The following ADGRB3 variants were observed in gnomAD, a reference collection of about 807,000 sequenced individuals.
ADGRB3 encodes adhesion G protein-coupled receptor B3, also known as brain-specific angiogenesis inhibitor 3.
In ADGRB3, 37 loss-of-function variants were observed where a neutral mutation model predicts 193.4. The ratio of observed to expected loss-of-function variants is 0.19; its 90% CI spans 0.15 to 0.25. The LOEUF (loss-of-function observed/expected upper bound fraction) is 0.25, where lower values mean the gene tolerates loss of function less well. Among genes scored for constraint, ADGRB3 ranks in the 10% least tolerant of loss-of-function variants. The pLI, the probability that ADGRB3 is intolerant of heterozygous loss-of-function variation, is 1.00. For missense variants in ADGRB3, 1,637 were observed against 1,852.9 expected (o/e 0.88, Z 2.14); for synonymous variants, 690 against 644.2 (o/e 1.07, Z -1.08).
chr6:68,711,570 G>A (rs961102387), intron 3 of ADGRB3, among the ~76,000 whole-genome samples: 38 of 151,918 alleles, frequency 2.5e-4, no homozygotes, highest in African/African-American at 9.2e-4. Context: ...GCCAACATCC[G>A]TGTTTTGTTT....
At chr6:68,987,460 G>T (rs962434278) in intron 10 of ADGRB3, among the ~76,000 whole-genome samples, 1 of 152,060 alleles carries the variant, frequency 6.6e-6, no homozygotes, top group South Asian at 2.1e-4. Flanking sequence ...ATATGAAAAA[G>T]ATTGAATTTC....
intron 3 of ADGRB3, among the ~76,000 whole-genome samples, chr6:68,733,478 C>T (rs1337951198): frequency 2.0e-5 from 3 of 151,656 alleles, no homozygotes; most frequent in Non-Finnish European, 2.9e-5. Flanking sequence ...ACAGTGGGGA[C>T]TTCAAAAAGG....
chr6:68,976,177 C>T (rs1443138060), intron 10 of ADGRB3, among the ~76,000 whole-genome samples: 1 of 152,078 alleles, frequency 6.6e-6, no homozygotes, highest in African/African-American at 2.4e-5. Flanking sequence ...CAAAAATATA[C>T]ATAACTTTTG....
chr6:68,946,494 A>G (rs1361132666), intron 6 of ADGRB3, among the ~76,000 whole-genome samples: 14 of 152,172 alleles, frequency 9.2e-5, no homozygotes, highest in Admixed American at 9.2e-4. Flanking sequence ...AGCTTCAATG[A>G]AAGATGGTAA....
intron 3 of ADGRB3, among the ~76,000 whole-genome samples, chr6:68,789,074 A>T (rs1472832420): frequency 6.6e-6 from 1 of 151,942 alleles, no homozygotes; most frequent in Non-Finnish European, 1.5e-5. Context: ...GGTTTCCTGA[A>T]TACAGCACAC....
intron 16 of ADGRB3, among the ~76,000 whole-genome samples, chr6:69,074,585 G>A (rs564909153): frequency 7.8e-4 from 116 of 148,396 alleles, no homozygotes; most frequent in African/African-American, 2.8e-3. Context: ...CTGTCGCCCA[G>A]GCTGGAGTGC....
At chr6:69,041,045 G>A (rs1292081274) in intron 13 of ADGRB3, among the ~76,000 whole-genome samples, 1 of 150,844 alleles carries the variant, frequency 6.6e-6, no homozygotes, top group Non-Finnish European at 1.5e-5. Context: ...GGTGGAGATC[G>A]AGCTGTTAGA....
At chr6:68,808,113 A>G (rs1190127899) in intron 3 of ADGRB3, among the ~76,000 whole-genome samples, 1 of 149,460 alleles carries the variant, frequency 6.7e-6, no homozygotes, top group Non-Finnish European at 1.5e-5. Flanking sequence ...AAAGACAAAT[A>G]AAATTATTTT....
chr6:68,936,694 C>T lies in ADGRB3; in HGVS notation c.1030+14C>T, dbSNP rs1767493723. 1 of 1,604,908 alleles carries T rather than the reference C, an allele frequency of 6.2e-7. No homozygotes were observed. Among genetic ancestry groups the T allele is most frequent in the East Asian group, 2.2e-5 (1 of 44,640 alleles). The stretch of plus-strand genomic sequence containing the variant: ...CCCTCTGTCCAGGTAGTGTTAGCAG[C>T]AACTACAACTGTGGATGTTATTGAA... On this transcript the variant is annotated intron_variant, in intron 5 of 31. Coordinates refer to ENST00000370598, the MANE Select transcript of ADGRB3 (RefSeq NM_001704.3).
intron 28 of ADGRB3, among the ~76,000 whole-genome samples, chr6:69,356,204 C>T (rs1046524539): frequency 6.6e-6 from 1 of 152,124 alleles, no homozygotes; most frequent in African/African-American, 2.4e-5. Context: ...AAAGGCAACC[C>T]TCCAGAATGG....
intron 3 of ADGRB3, among the ~76,000 whole-genome samples, chr6:68,785,273 A>G (rs1012735748): frequency 1.3e-5 from 2 of 151,570 alleles, no homozygotes; most frequent in Non-Finnish European, 2.9e-5. Context: ...GTCATTTAGC[A>G]TTAGATATAT....
chr6:69,282,604 G>A (rs1767460573), intron 20 of ADGRB3, among the ~76,000 whole-genome samples: 2 of 152,060 alleles, frequency 1.3e-5, no homozygotes, highest in African/African-American at 4.8e-5. Flanking sequence ...TTTTTATTAA[G>A]GACAGGTGGT....
chr6:68,969,586 C>T (rs1317111359), intron 8 of ADGRB3, among the ~76,000 whole-genome samples: 1 of 152,100 alleles, frequency 6.6e-6, no homozygotes, highest in African/African-American at 2.4e-5. Context: ...AGAGATTACT[C>T]TTTTGATGTG....
At chr6:68,670,951 G>GT (rs1209826205) in intron 3 of ADGRB3, among the ~76,000 whole-genome samples, 3 of 151,618 alleles carry the variant, frequency 2.0e-5, no homozygotes, top group African/African-American at 4.8e-5. Context: ...ATATTTTATA[G>GT]TTTTTTTATG....
At chr6:68,691,842 TTA>T (rs59476786) in intron 3 of ADGRB3, among the ~76,000 whole-genome samples, 118,645 of 148,006 alleles carry the variant, frequency 0.8, 47,641 homozygotes, top group Middle Eastern at 0.92. Flanking sequence ...AGAAGGACAA[TTA>T]TATATATATA....
At chr6:68,922,443 A>G (rs1037200736) in intron 3 of ADGRB3, among the ~76,000 whole-genome samples, 2 of 152,202 alleles carry the variant, frequency 1.3e-5, no homozygotes, top group African/African-American at 4.8e-5. Flanking sequence ...TTCAACCTTG[A>G]ATGATTTGAG....
chr6:68,682,773 C>T (rs1391137249), intron 3 of ADGRB3, among the ~76,000 whole-genome samples: 4 of 148,594 alleles, frequency 2.7e-5, no homozygotes, highest in Non-Finnish European at 3.0e-5. Flanking sequence ...TTTTCTTTCA[C>T]TTTTTTTTTT....
intron 3 of ADGRB3, among the ~76,000 whole-genome samples, chr6:68,646,833 G>A (rs1768227644): frequency 6.6e-6 from 1 of 152,044 alleles, no homozygotes; most frequent in Admixed American, 6.6e-5. Flanking sequence ...GGAAGGGTTG[G>A]TAACATTGGT....
At chr6:68,780,745 TAC>T (rs1283063886) in intron 3 of ADGRB3, among the ~76,000 whole-genome samples, 1 of 152,120 alleles carries the variant, frequency 6.6e-6, no homozygotes, top group Non-Finnish European at 1.5e-5. Context: ...GTAAAAATAG[TAC>T]AGAGTTCCCT....
Sources: allele counts gnomAD v4.1 joint callset (sites outside exome capture counted in the v4.1 genomes callset), GRCh38; gene constraint gnomAD v4.1.1; transcripts MANE v1.5; gene names NCBI Gene and HGNC (gene_info 2026-07-23, HGNC 2026-07-21).